PA2G4: variants seen among roughly 807,000 people sequenced by gnomAD.
The protein encoded by PA2G4 is proliferation-associated 2G4.
PA2G4 carries 8 observed loss-of-function variants against 53.3 expected under a neutral mutation model. The observed-to-expected ratio is 0.15, with a 90% CI of 0.09 to 0.27. The LOEUF (loss-of-function observed/expected upper bound fraction) is 0.27, where lower values mean the gene tolerates loss of function less well. Among genes scored for constraint, PA2G4 ranks in the 10% least tolerant of loss-of-function variants. The pLI, the probability that PA2G4 is intolerant of heterozygous loss-of-function variation, is 1.00. For missense variants in PA2G4, 208 were observed against 486.8 expected (o/e 0.43, Z 5.39); for synonymous variants, 143 against 169.8 (o/e 0.84, Z 1.23).
intron 1 of PA2G4, chr12:56,106,366 T>G (rs1869301247): frequency 2.6e-6 from 1 of 387,974 alleles, no homozygotes; most frequent in Non-Finnish European, 4.5e-6. Flanking sequence ...ACACCAAAGG[T>G]AGCATCTTTG....
chr12:56,107,312 C>T, intron 4 of PA2G4, 56 bp downstream of exon 4: 2 of 1,370,084 alleles, frequency 1.5e-6, no homozygotes, highest in Non-Finnish European at 2.1e-6. Context: ...AATGCACTGC[C>T]ATTTGCTTCT....
intron 1 of PA2G4, 58 bp downstream of exon 1, chr12:56,104,883 G>A: frequency 6.9e-7 from 1 of 1,441,524 alleles, no homozygotes; most frequent in Non-Finnish European, 9.7e-7. Context: ...TAACAGGCTG[G>A]CCCGGAAGGG....
chr12:56,107,162 G>T (rs112076846), intron 3 of PA2G4, 25 bp from the exon 4 acceptor site: 1 of 1,606,590 alleles, frequency 6.2e-7, no homozygotes, highest in Non-Finnish European at 8.5e-7. Context: ...AGTTCCTAAT[G>T]CAGTACTCTG....
chr12:56,106,931 A>G, intron 2 of PA2G4, 59 bp from the exon 3 acceptor site: 1 of 1,402,530 alleles, frequency 7.1e-7, no homozygotes, highest in Non-Finnish European at 1.0e-6. Context: ...ACATTTCTGA[A>G]GGGCACTAGG....
chr12:56,107,985 T>TG (rs1869337223), intron 5 of PA2G4, among the ~76,000 whole-genome samples: 1 of 152,124 alleles, frequency 6.6e-6, no homozygotes, highest in Non-Finnish European at 1.5e-5. Flanking sequence ...GCTATGATCA[T>TG]GCCACTGCAC....
rs1394157247 is a variant in PA2G4 at position 56,110,392 on chromosome 12, C to G, written c.630-7C>G. Reference sequence around the variant, plus strand: ...AAAAAAAATTCCTTTCTCTCTATTCCTTTTAGGAAGGACCATGAAAAAGCT... The same window carrying G: ...AAAAAAAATTCCTTTCTCTCTATTCGTTTTAGGAAGGACCATGAAAAAGCT... On this transcript the variant is annotated splice_region_variant and splice_polypyrimidine_tract_variant and intron_variant, in intron 7 of 12. Coordinates refer to ENST00000303305, the MANE Select transcript of PA2G4 (RefSeq NM_006191.3). 6.4e-7 allele frequency: 1 copy of G among 1,568,018 alleles called. No individual in the cohort carries two copies. The highest frequency in any genetic ancestry group is 1.4e-5 in the African/African-American group (1 of 73,892).
intron 1 of PA2G4, 115 bp downstream of exon 1, chr12:56,104,940 C>T (rs1180292651): frequency 2.1e-6 from 2 of 969,510 alleles, no homozygotes; most frequent in South Asian, 1.3e-5. Flanking sequence ...GGGGCCCGCA[C>T]CGGTCCGCTG....
Position 56,104,680 on chromosome 12 carries a change from G to C in PA2G4, c.-58G>C. On this transcript the variant is annotated 5_prime_UTR_variant, in exon 1 of 13. Coordinates refer to ENST00000303305, the MANE Select transcript of PA2G4 (RefSeq NM_006191.3). ...CTGACCACAGCCTGTGGCTGGGAAG[G>C]GAGACAGAGGCGGCGGCGGCTCAGG... 1 of 1,456,442 alleles carries C rather than the reference G, an allele frequency of 6.9e-7. No homozygotes were observed. The highest frequency in any genetic ancestry group is 1.1e-5 in the South Asian group (1 of 87,940). The allele number at this position is 1,456,442 out of a possible 1,614,324, so 90.2% of individuals were successfully genotyped here.
intron 5 of PA2G4, 100 bp from the exon 6 acceptor site, chr12:56,109,124 CAAAAAA>C: frequency 1.0e-5 from 4 of 381,418 alleles, no homozygotes; most frequent in East Asian, 6.1e-5. Context: ...GACTCCATCT[CAAAAAA>C]AAAAAAAAAA....
rs2136844590 is a variant in PA2G4, at chr12:56,113,773, G to T, written c.*885G>T. 1 of 695,634 alleles carries T rather than the reference G, an allele frequency of 1.4e-6. No individual in the cohort carries two copies. The allele number at this position is 695,634 out of a possible 1,614,324, so 43.1% of individuals were successfully genotyped here. A position where few individuals can be genotyped will look rare whatever the true frequency, so the allele number is the denominator to read the frequency against. On this transcript the variant is annotated 3_prime_UTR_variant, in exon 13 of 13. Coordinates refer to ENST00000303305, the MANE Select transcript of PA2G4 (RefSeq NM_006191.3). The stretch of plus-strand genomic sequence containing the variant: ...ATGGACTTGGATTGGATTGCTGGGG[G>T]TTTGTAGAGAAAGGTGACAAATTTC...
chr12:56,109,486 G>C (rs945901639), intron 6 of PA2G4, among the ~76,000 whole-genome samples, 193 bp downstream of exon 6: 4 of 152,050 alleles, frequency 2.6e-5, no homozygotes, highest in South Asian at 2.1e-4. Context: ...TGGGCGTGGT[G>C]GTGGGTGCCT....
intron 6 of PA2G4, 41 bp downstream of exon 6, chr12:56,109,334 G>T: frequency 1.3e-6 from 2 of 1,502,466 alleles, no homozygotes; most frequent in Non-Finnish European, 1.8e-6. Context: ...AGAATGAGTG[G>T]CTTTGCCAGG....
intron 5 of PA2G4, 146 bp from the exon 6 acceptor site, chr12:56,109,084 C>T: frequency 2.1e-6 from 1 of 479,182 alleles, no homozygotes; most frequent in South Asian, 2.1e-5. Context: ...CAAGATCACG[C>T]CACTGCACTC....
intron 9 of PA2G4, 88 bp downstream of exon 9, chr12:56,110,780 T>G: frequency 6.5e-7 from 1 of 1,527,118 alleles, no homozygotes; most frequent in South Asian, 1.1e-5. Flanking sequence ...CTGCCTAGAC[T>G]TGTAGCGTGC....
rs1327700945 is a variant in PA2G4, at chr12:56,113,331, T to C, written c.*443T>C. On this transcript the variant is annotated 3_prime_UTR_variant, in exon 13 of 13. Coordinates refer to ENST00000303305, the MANE Select transcript of PA2G4 (RefSeq NM_006191.3). The stretch of plus-strand genomic sequence containing the variant: ...TCTGTTTGGGGCTTTTTCCTCTTTT[T>C]TCCATTCTCCCCAAATATTTTATCT... 6.1e-6 allele frequency: 1 copy of C among 163,732 alleles called. No individual in the cohort carries two copies. Among genetic ancestry groups the C allele is most frequent in the Non-Finnish European group, 1.3e-5 (1 of 76,040 alleles). 10.1% of individuals were successfully genotyped at this position (163,732 alleles called of 1,614,324 possible). A position where few individuals can be genotyped will look rare whatever the true frequency, so the allele number is the denominator to read the frequency against.
chr12:56,105,265 G>A (rs946454896), intron 1 of PA2G4, among the ~76,000 whole-genome samples: 1 of 152,178 alleles, frequency 6.6e-6, no homozygotes, highest in Non-Finnish European at 1.5e-5. Context: ...GCCGGCACGT[G>A]TTGCTGGGTC....
chr12:56,110,793 G>A (rs1321385670), intron 9 of PA2G4, 101 bp downstream of exon 9: 2 of 1,440,040 alleles, frequency 1.4e-6, no homozygotes, highest in Non-Finnish European at 1.9e-6. Context: ...TAGCGTGCAT[G>A]TGCTCACTCC....
At chr12:56,111,932 G>GA (rs1388750600) in intron 12 of PA2G4, among the ~76,000 whole-genome samples, 1 of 151,676 alleles carries the variant, frequency 6.6e-6, no homozygotes, top group Non-Finnish European at 1.5e-5. Context: ...GACCAACACA[G>GA]AGAGAAACCC....
Position 56,104,932 on chromosome 12 carries a change from G to A in PA2G4, c.88+107G>A, listed in dbSNP as rs1869261343. The A allele has an allele frequency of 1.9e-5, 19 of 1,004,164 alleles. No individual in the cohort carries two copies. In the Admixed American group the frequency reaches 2.3e-4, roughly 12 times the overall value. The allele number at this position is 1,004,164 out of a possible 1,614,324, so 62.2% of individuals were successfully genotyped here. The stretch of plus-strand genomic sequence containing the variant: ...GGTCATGCGGACTGAGCTACTGAGG[G>A]GCCCGCACCGGTCCGCTGGGCACGG... On this transcript the variant is annotated intron_variant, in intron 1 of 12. Coordinates refer to ENST00000303305, the MANE Select transcript of PA2G4 (RefSeq NM_006191.3).
Sources: allele counts gnomAD v4.1 joint callset (sites outside exome capture counted in the v4.1 genomes callset), GRCh38; gene constraint gnomAD v4.1.1; transcripts MANE v1.5; gene names NCBI Gene and HGNC (gene_info 2026-07-23, HGNC 2026-07-21).